LAMA2: variants seen among roughly 807,000 people sequenced by gnomAD.
LAMA2 encodes laminin subunit alpha-2.
In LAMA2, 269 loss-of-function variants were observed where a neutral mutation model predicts 364.8. The observed-to-expected ratio is 0.74, with a 90% CI of 0.67 to 0.82. LAMA2 has a LOEUF of 0.82. Among genes scored for constraint, LAMA2 ranks in the 40% least tolerant of loss-of-function variants. The probability of loss-of-function intolerance (pLI) is 0.00; values close to 1 mark genes in which losing one functional copy is unlikely to be tolerated. For missense variants in LAMA2, 3,807 were observed against 3,873.2 expected (o/e 0.98, Z 0.45); for synonymous variants, 1,379 against 1,370.6 (o/e 1.01, Z -0.14).
chr6:129,278,506 CT>C (rs968787557), intron 17 of LAMA2, among the ~76,000 whole-genome samples: 6 of 151,436 alleles, frequency 4.0e-5, no homozygotes, highest in African/African-American at 7.3e-5. Flanking sequence ...AGAGGAAATC[CT>C]TTTTTTTTAT....
At chr6:129,148,903 A>G (rs1406564555) in intron 6 of LAMA2, 76 bp from the exon 7 acceptor site, 9 of 946,464 alleles carry the variant, frequency 9.5e-6, no homozygotes, top group Non-Finnish European at 3.5e-6. Context: ...TTTTCTTCAT[A>G]GTACCTTTAG....
At chr6:128,903,623 A>G (rs939783659) in intron 1 of LAMA2, among the ~76,000 whole-genome samples, 3 of 152,216 alleles carry the variant, frequency 2.0e-5, no homozygotes, top group African/African-American at 7.2e-5. Flanking sequence ...GTGGACATTA[A>G]GCTGTAATTG....
chr6:129,251,511 A>T (rs557978876), intron 13 of LAMA2, among the ~76,000 whole-genome samples: 1 of 152,330 alleles, frequency 6.6e-6, no homozygotes, highest in Admixed American at 6.5e-5. Context: ...AACTAAGGTC[A>T]TGCCAAACCA....
At chr6:129,011,495 G>A (rs1056802590) in intron 1 of LAMA2, among the ~76,000 whole-genome samples, 2 of 152,130 alleles carry the variant, frequency 1.3e-5, no homozygotes, top group East Asian at 1.9e-4. Context: ...TGTCCTTTAT[G>A]TTTTTTCAAG....
chr6:129,512,472 T>A lies in LAMA2; in HGVS notation c.8967T>A (p.Gly2989=). The A allele has an allele frequency of 6.2e-7, 1 of 1,613,572 alleles. No individual in the cohort carries two copies. Among genetic ancestry groups the A allele is most frequent in the African/African-American group, 1.3e-5 (1 of 75,022 alleles). ...GISSQKMDGM[G]IEMIDEKLMF... ...GTAGTCAAAAAATGGATGGAATGGG[T>A]ATTGAAATGATTGATGAAAAGGTGA... Residue 2989 remains glycine (G), a synonymous_variant, in exon 63 of 65, where the codon GGT becomes GGA. Transcript: ENST00000421865.
chr6:129,310,387 G>T (rs1489815368), intron 22 of LAMA2, among the ~76,000 whole-genome samples: 1 of 152,186 alleles, frequency 6.6e-6, no homozygotes, highest in East Asian at 1.9e-4. Context: ...GAAAGTGTGA[G>T]ATACACAGTG....
At chr6:129,288,718 C>T (rs1442313262) in intron 19 of LAMA2, among the ~76,000 whole-genome samples, 2 of 152,072 alleles carry the variant, frequency 1.3e-5, no homozygotes, top group African/African-American at 4.8e-5. Context: ...ACCTTTTTTG[C>T]TGTATTAATA....
chr6:129,353,332 T>C lies in LAMA2; in HGVS notation c.4692T>C (p.His1564=), dbSNP rs753283130. 5.6e-6 allele frequency: 9 copies of C among 1,613,906 alleles called. No homozygotes were observed. The highest frequency in any genetic ancestry group is 5.5e-5 in the South Asian group (5 of 91,074). The change falls in exon 32 of 65, where the codon CAT becomes CAC. Residue 1564 remains histidine (H), a synonymous_variant. Transcript: ENST00000421865. ...GRKCDGCKHW[H]AREGWECVFC... ...AGTGTGACGGCTGCAAGCACTGGCATGCACGCGAGGGCTGGGAGTGTGTTT... is the reference window on the plus strand; with the variant it reads ...AGTGTGACGGCTGCAAGCACTGGCACGCACGCGAGGGCTGGGAGTGTGTTT...
intron 2 of LAMA2, among the ~76,000 whole-genome samples, chr6:129,054,564 T>G (rs1788332844): frequency 6.6e-6 from 1 of 151,726 alleles, no homozygotes; most frequent in Non-Finnish European, 1.5e-5. Context: ...CAGGGAGAAT[T>G]AGAGAGATAA....
rs1562385476 is a variant in LAMA2 at position 129,256,766 on chromosome 6, ATATATATAT to A, written c.2097-3944_2097-3936del. ...ATATAAAAAACAAATTATATAGCATATATATATATATATATATATATATATATATATATA... is the reference window on the plus strand; with the variant it reads ...ATATAAAAAACAAATTATATAGCATAATATATATATATATATATATATATA... On this transcript the variant is annotated intron_variant, in intron 14 of 64. Coordinates refer to ENST00000421865, the MANE Select transcript of LAMA2 (RefSeq NM_000426.4). 1.2e-3 allele frequency among the ~76,000 whole-genome samples: 113 copies of A among 92,222 alleles called. 3 individuals carry two copies. The highest frequency in any genetic ancestry group is 3.9e-3 in the African/African-American group (106 of 27,464). The allele number at this position is 92,222 out of a possible 152,430, so 60.5% of individuals were successfully genotyped here. A position where few individuals can be genotyped will look rare whatever the true frequency, so the allele number is the denominator to read the frequency against.
Position 129,146,954 on chromosome 6 carries a change from T to G in LAMA2, c.820-5T>G. The G allele has an allele frequency of 1.3e-6, 2 of 1,588,178 alleles. No individual in the cohort carries two copies. The highest frequency in any genetic ancestry group is 1.1e-5 in the South Asian group (1 of 90,512). Reference sequence around the variant, plus strand: ...CAGGATTTCTCTCTGGATTGCTTTTTGCAGTATTACTACTCGGTCAAGGAT... The same window carrying G: ...CAGGATTTCTCTCTGGATTGCTTTTGGCAGTATTACTACTCGGTCAAGGAT... On this transcript the variant is annotated splice_polypyrimidine_tract_variant and splice_region_variant and intron_variant, in intron 5 of 64. Coordinates refer to ENST00000421865, the MANE Select transcript of LAMA2 (RefSeq NM_000426.4).
chr6:129,054,256 A>G (rs543777042), intron 2 of LAMA2, among the ~76,000 whole-genome samples: 4 of 152,340 alleles, frequency 2.6e-5, no homozygotes, highest in African/African-American at 7.2e-5. Flanking sequence ...CATATGGAGT[A>G]AAATAAAGAA....
chr6:129,158,609 G>A, intron 8 of LAMA2: 1 of 1,614,128 alleles, frequency 6.2e-7, no homozygotes, highest in Non-Finnish European at 8.5e-7. Context: ...AAAAGCAGCT[G>A]GAGAAGATGA....
At chr6:129,456,062 A>G (rs557314653) in intron 47 of LAMA2, among the ~76,000 whole-genome samples, 1 of 152,286 alleles carries the variant, frequency 6.6e-6, no homozygotes, top group Admixed American at 6.5e-5. Context: ...CTGCTGTGTC[A>G]TTTCATGTCA....
chr6:129,300,668 ACT>A (rs1290395602), intron 21 of LAMA2, 66 bp from the exon 22 acceptor site: 2 of 1,512,884 alleles, frequency 1.3e-6, no homozygotes, highest in Non-Finnish European at 1.8e-6. Context: ...ACAATATAAA[ACT>A]CAACACTTTG....
At chr6:129,370,680 G>A (rs1202527649) in intron 34 of LAMA2, among the ~76,000 whole-genome samples, 1 of 152,198 alleles carries the variant, frequency 6.6e-6, no homozygotes, top group East Asian at 1.9e-4. Context: ...AGCTTTAAAT[G>A]ATAAAGAGTA....
Position 129,154,605 on chromosome 6 carries a change from T to C in LAMA2, c.1128T>C (p.Gly376=), listed in dbSNP as rs1195950437. 14 of 1,613,758 alleles carry C rather than the reference T, an allele frequency of 8.7e-6. No individual in the cohort carries two copies. Among genetic ancestry groups the C allele is most frequent in the African/African-American group, 1.3e-5 (1 of 74,894 alleles). ...TACGTGGAAAGTACATTGGAGGGGG[T>C]GTCTGCATTAATTGTACCCAAAACA... The part of the protein sequence containing the change: ...LNIRGKYIGG[G]VCINCTQNTA... The change falls in exon 8 of 65, where the codon GGT becomes GGC. Residue 376 remains glycine, a synonymous_variant. Coordinates refer to ENST00000421865, the MANE Select transcript of LAMA2 (RefSeq NM_000426.4).
intron 4 of LAMA2, among the ~76,000 whole-genome samples, chr6:129,126,469 T>C (rs903766971): frequency 2.6e-5 from 4 of 152,156 alleles, no homozygotes; most frequent in African/African-American, 9.7e-5. Flanking sequence ...TGGCTTATCA[T>C]AATGGGGAGG....
rs372592018 is a variant in LAMA2 at position 129,453,121 on chromosome 6, G to C, written c.6563G>C (p.Ser2188Thr). The C allele has an allele frequency of 6.2e-7, 1 of 1,612,686 alleles. No individual in the cohort carries two copies. The change falls in exon 46 of 65, where the codon AGT (serine) becomes ACT (threonine). Residue 2188 changes from serine to threonine, a missense_variant. Around this residue, in one of 3 missense-constraint regions of LAMA2, gnomAD observed 3,333 missense variants for 3,345.7 expected, o/e 1.00. Transcript: ENST00000421865. ...VADNLLFYLG[S>T]AKFIDFLAIE... Reference sequence around the variant, plus strand: ...GATAACCTCCTCTTTTATCTTGGAAGTGCCAAATTTGTAAGTCTAATATTC... The same window carrying C: ...GATAACCTCCTCTTTTATCTTGGAACTGCCAAATTTGTAAGTCTAATATTC...
Sources: allele counts gnomAD v4.1 joint callset (sites outside exome capture counted in the v4.1 genomes callset), GRCh38; gene constraint gnomAD v4.1.1; regional missense constraint gnomAD v4.1.1; transcripts MANE v1.5; gene names NCBI Gene and HGNC (gene_info 2026-07-23, HGNC 2026-07-21).